COG5: variants seen among roughly 807,000 people sequenced by gnomAD.
The protein encoded by COG5 is conserved oligomeric Golgi complex subunit 5.
A neutral mutation model predicts 110.4 loss-of-function variants in COG5; 86 were observed. The observed-to-expected ratio is 0.78, with a 90% CI of 0.65 to 0.93. COG5 has a LOEUF of 0.93. COG5 is among the 40% of genes least tolerant of loss of function. COG5 has a pLI of 0.00. For synonymous variants in COG5, 360 were observed against 334.6 expected (o/e 1.08, Z -0.83); for missense variants, 1,077 against 987.0 (o/e 1.09, Z -1.22).
chr7:107,225,971 A>C (rs1036612082), intron 19 of COG5, among the ~76,000 whole-genome samples: 4 of 152,064 alleles, frequency 2.6e-5, no homozygotes, highest in Admixed American at 2.6e-4. Flanking sequence ...TGAATCTGGG[A>C]AGCGGAGGTT....
chr7:107,303,021 G>A (rs1006986777), intron 11 of COG5, among the ~76,000 whole-genome samples: 15 of 152,144 alleles, frequency 9.9e-5, no homozygotes, highest in South Asian at 4.1e-4. Flanking sequence ...TTCAAAGCAC[G>A]TTTGGTACCT....
At chr7:107,490,925 G>A (rs189824469) in intron 6 of COG5, among the ~76,000 whole-genome samples, 1 of 152,116 alleles carries the variant, frequency 6.6e-6, no homozygotes, top group Non-Finnish European at 1.5e-5. Flanking sequence ...TATGAATACG[G>A]TGTTGTTCTC....
Position 107,514,821 on chromosome 7 carries a change from A to G in COG5, c.538+12416T>C, listed in dbSNP as rs914458593. ...ATTTTTCCAAGTTTTATGATAAAAG[A>G]ATGACCAAAGTTTTTTTTATTGTTA... On this transcript the variant is annotated intron_variant, in intron 6 of 21. Transcript: ENST00000297135. 3.9e-5 allele frequency among the ~76,000 whole-genome samples: 6 copies of G among 152,342 alleles called. No homozygotes were observed. The South Asian group carries it at 1.2e-3, about 32-fold the overall frequency.
intron 14 of COG5, among the ~76,000 whole-genome samples, chr7:107,281,023 T>A (rs1233085694): frequency 6.6e-6 from 1 of 151,714 alleles, no homozygotes; most frequent in East Asian, 1.9e-4. Context: ...TATTTAAAAA[T>A]ATATAATTAG....
intron 6 of COG5, among the ~76,000 whole-genome samples, chr7:107,514,303 A>C (rs1369554457): frequency 6.6e-6 from 1 of 150,596 alleles, no homozygotes; most frequent in Non-Finnish European, 1.5e-5. Context: ...CATAAAATAC[A>C]TTTTCTATAT....
At chr7:107,252,167 G>C (rs182052395) in intron 16 of COG5, among the ~76,000 whole-genome samples, 1 of 152,112 alleles carries the variant, frequency 6.6e-6, no homozygotes, top group Non-Finnish European at 1.5e-5. Context: ...GCTGTAGCAC[G>C]CCATAATCGT....
chr7:107,461,604 A>G (rs1347408432), intron 6 of COG5, among the ~76,000 whole-genome samples: 1 of 152,198 alleles, frequency 6.6e-6, no homozygotes, highest in Admixed American at 6.5e-5. Context: ...CAGATTTAAG[A>G]TTGAAAAGGA....
chr7:107,236,641 T>C lies in COG5; in HGVS notation c.1900A>G (p.Met634Val), dbSNP rs746657630. The C allele has an allele frequency of 5.0e-6, 8 of 1,614,022 alleles. No homozygotes were observed. Among genetic ancestry groups the C allele is most frequent in the Non-Finnish European group, 6.8e-6 (8 of 1,180,024 alleles). The change falls in exon 18 of 22, where the codon ATG becomes GTG. Residue 634 changes from methionine to valine, a missense_variant. Met to Val is a conservative substitution (Grantham distance 21). Transcript: ENST00000297135. ...GCAATGAAACCTTGTAGCTCCTTCATGTACAGAGAACAAGGAACATCAGGT... is the reference window on the plus strand; with the variant it reads ...GCAATGAAACCTTGTAGCTCCTTCACGTACAGAGAACAAGGAACATCAGGT... ...GKPDVPCSLYMKELQGFIARV... is the reference protein window; with the variant it reads ...GKPDVPCSLYVKELQGFIARV...
At chr7:107,316,430 G>GA (rs547084831) in intron 11 of COG5, among the ~76,000 whole-genome samples, 13 of 152,054 alleles carry the variant, frequency 8.5e-5, no homozygotes, top group African/African-American at 2.9e-4. Flanking sequence ...AAAGGTACAG[G>GA]AAAAAATTTC....
At chr7:107,291,658 T>C (rs1355211798) in intron 12 of COG5, among the ~76,000 whole-genome samples, 1 of 152,206 alleles carries the variant, frequency 6.6e-6, no homozygotes, top group Non-Finnish European at 1.5e-5. Flanking sequence ...CTGACTGCTC[T>C]ACATTTTCAA....
intron 10 of COG5, among the ~76,000 whole-genome samples, chr7:107,347,295 T>C (rs1811706902): frequency 6.6e-6 from 1 of 152,176 alleles, no homozygotes; most frequent in Non-Finnish European, 1.5e-5. Context: ...AAGTATGTGA[T>C]ATACAGGATT....
intron 11 of COG5, among the ~76,000 whole-genome samples, chr7:107,305,037 G>A (rs1358361030): frequency 6.6e-6 from 1 of 152,154 alleles, no homozygotes; most frequent in African/African-American, 2.4e-5. Context: ...ATGTCTTGAA[G>A]AAAAATAAAG....
chr7:107,266,314 G>A (rs920876514), intron 14 of COG5, among the ~76,000 whole-genome samples: 6 of 152,058 alleles, frequency 3.9e-5, no homozygotes, highest in South Asian at 4.1e-4. Flanking sequence ...TTCTCACAGC[G>A]TATGCCATAC....
chr7:107,260,662 AC>A (rs1231859947), intron 14 of COG5, among the ~76,000 whole-genome samples: 1 of 152,200 alleles, frequency 6.6e-6, no homozygotes, highest in Non-Finnish European at 1.5e-5. Flanking sequence ...AGAGAAGATG[AC>A]TTAAGTTCAA....
chr7:107,540,415 A>T (rs1174409788), intron 5 of COG5, among the ~76,000 whole-genome samples: 2 of 149,986 alleles, frequency 1.3e-5, no homozygotes, highest in African/African-American at 2.4e-5. Flanking sequence ...TCTACAATAA[A>T]AAAAAAAAAA....
intron 6 of COG5, among the ~76,000 whole-genome samples, chr7:107,454,389 G>A (rs923515285): frequency 2.0e-5 from 3 of 152,106 alleles, no homozygotes; most frequent in Non-Finnish European, 4.4e-5. Context: ...TGTGGGGAAC[G>A]GGGGAGGAAT....
intron 11 of COG5, among the ~76,000 whole-genome samples, chr7:107,310,809 A>G (rs1233469209): frequency 6.6e-6 from 1 of 152,228 alleles, no homozygotes; most frequent in East Asian, 1.9e-4. Flanking sequence ...CAGCTGGATA[A>G]CAAAGGCCTG....
chr7:107,508,373 G>A (rs561451731), intron 6 of COG5, among the ~76,000 whole-genome samples: 164 of 152,198 alleles, frequency 1.1e-3, no homozygotes, highest in Non-Finnish European at 1.8e-3. Context: ...GGTAAACAAA[G>A]CAGCCCCGAA....
At chr7:107,331,063 A>G (rs758025065) in intron 10 of COG5, among the ~76,000 whole-genome samples, 2 of 152,212 alleles carry the variant, frequency 1.3e-5, no homozygotes, top group East Asian at 1.9e-4. Flanking sequence ...GAGGGAGGAC[A>G]TAAGAATGGA....
Sources: gnomAD v4.1 joint callset for allele counts (sites outside exome capture counted in the v4.1 genomes callset) on GRCh38, gnomAD v4.1.1 for gene constraint, MANE v1.5 for transcripts, NCBI Gene and HGNC (gene_info 2026-07-23, HGNC 2026-07-21) for gene names.